ADAMTS3: variants seen among roughly 807,000 people sequenced by gnomAD.
ADAMTS3 encodes the protein A disintegrin and metalloproteinase with thrombospondin motifs 3.
In ADAMTS3, 73 loss-of-function variants were observed where a neutral mutation model predicts 129.0. The ratio of observed to expected loss-of-function variants is 0.57; its 90% CI spans 0.47 to 0.69. The LOEUF (loss-of-function observed/expected upper bound fraction) is 0.69. Ranked by LOEUF, ADAMTS3 falls within the 30% of genes least tolerant of loss-of-function variation. The pLI is 0.00. For synonymous variants in ADAMTS3, 477 were observed against 510.8 expected, an observed-to-expected ratio of 0.93 and a Z score of 0.89; for missense variants, 1,457 against 1,514.5, an observed-to-expected ratio of 0.96 and a Z score of 0.63.
chr4:72,477,647 C>A (rs1401734376), intron 3 of ADAMTS3, among the ~76,000 whole-genome samples: 3 of 151,946 alleles, frequency 2.0e-5, no homozygotes, highest in Non-Finnish European at 2.9e-5. Context: ...AAAGCAAGAG[C>A]AAACACATTC....
At chr4:72,505,727 G>A (rs1029185690) in intron 3 of ADAMTS3, among the ~76,000 whole-genome samples, 14 of 152,218 alleles carry the variant, frequency 9.2e-5, no homozygotes, top group Admixed American at 7.2e-4. Context: ...TTCCCTGCCT[G>A]GAGATGGCAG....
chr4:72,485,302 A>T lies in ADAMTS3; in HGVS notation c.504+63176T>A, dbSNP rs116263470. Among the ~76,000 whole-genome samples the T allele has an allele frequency of 4.9e-3, 742 of 152,282 alleles. 2 individuals are homozygous for T. Among genetic ancestry groups the T allele is most frequent in the African/African-American group, 0.017 (710 of 41,558 alleles). ...CTCTACAAAAATGTTAATCTTAGTG[A>T]TTCATTCACAAAGGGTTTAAGCTAA... On this transcript the variant is annotated intron_variant, in intron 3 of 21. Transcript: ENST00000286657.
chr4:72,384,636 T>C (rs1336939045), intron 4 of ADAMTS3, among the ~76,000 whole-genome samples: 1 of 152,136 alleles, frequency 6.6e-6, no homozygotes, highest in Non-Finnish European at 1.5e-5. Context: ...AAAATTATGA[T>C]GTAAAGCAGA....
At chr4:72,306,123 C>T (rs765325119) in intron 15 of ADAMTS3, 56 bp from the exon 16 acceptor site, 24 of 1,388,344 alleles carry the variant, frequency 1.7e-5, no homozygotes, top group Non-Finnish European at 2.1e-5. Context: ...AAGCAACAAC[C>T]ATGGTTAGTT....
chr4:72,559,335 T>C (rs1279624988), intron 2 of ADAMTS3, among the ~76,000 whole-genome samples: 1 of 151,804 alleles, frequency 6.6e-6, no homozygotes, highest in African/African-American at 2.4e-5. Flanking sequence ...CTGGTAAACA[T>C]AAAATATAGT....
intron 3 of ADAMTS3, among the ~76,000 whole-genome samples, chr4:72,512,755 G>T (rs773178438): frequency 6.6e-6 from 1 of 152,000 alleles, no homozygotes; most frequent in Non-Finnish European, 1.5e-5. Context: ...AAAATTAAAA[G>T]TATAAATAAA....
At chr4:72,433,295 C>T (rs1267722894) in intron 3 of ADAMTS3, among the ~76,000 whole-genome samples, 6 of 152,010 alleles carry the variant, frequency 3.9e-5, no homozygotes, top group Non-Finnish European at 8.8e-5. Flanking sequence ...GTCTAGTTTC[C>T]TTTGTTTTCA....
chr4:72,355,262 C>T (rs1022819786), intron 4 of ADAMTS3, among the ~76,000 whole-genome samples: 9 of 151,552 alleles, frequency 5.9e-5, no homozygotes, highest in African/African-American at 1.9e-4. Flanking sequence ...ACCAAGGGAC[C>T]AGCTCACATT....
In ADAMTS3 at chr4:72,298,272, G is replaced by T. The variant is rs763442216; in HGVS notation, c.2590+5C>A. ...TTTAATATAATAAATGTGTTCAATG[G>T]TTACCTCCACCACAGGGTTTGGAAC... On this transcript the variant is annotated splice_donor_5th_base_variant and intron_variant, in intron 18 of 21. Transcript: ENST00000286657. 1.9e-6 allele frequency: 3 copies of T among 1,610,512 alleles called. No individual in the cohort carries two copies. The highest frequency in any genetic ancestry group is 4.5e-5 in the East Asian group (2 of 44,772).
intron 4 of ADAMTS3, among the ~76,000 whole-genome samples, chr4:72,357,246 T>G (rs998336091): frequency 6.6e-6 from 1 of 151,950 alleles, no homozygotes; most frequent in Non-Finnish European, 1.5e-5. Context: ...TACCCTGTGA[T>G]AAAACAATTC....
Position 72,569,036 on chromosome 4 carries a change from G to T in ADAMTS3, c.-274C>A. On this transcript the variant is annotated 5_prime_UTR_variant, in exon 1 of 22. It adds an upstream start codon to the 5' untranslated region. Coordinates refer to ENST00000286657, the MANE Select transcript of ADAMTS3 (RefSeq NM_014243.3). Reference sequence around the variant, plus strand: ...CGAGAAGGTGCTGTAAGCGGGCACAGGCTAAGCCTGGGAGAGGGGGAAGGG... The same window carrying T: ...CGAGAAGGTGCTGTAAGCGGGCACATGCTAAGCCTGGGAGAGGGGGAAGGG... 1 of 516,070 alleles carries T rather than the reference G, an allele frequency of 1.9e-6. No individual in the cohort carries two copies. The highest frequency in any genetic ancestry group is 3.4e-6 in the Non-Finnish European group (1 of 290,582). 32.0% of individuals were successfully genotyped at this position (516,070 alleles called of 1,614,324 possible).
intron 4 of ADAMTS3, among the ~76,000 whole-genome samples, chr4:72,414,602 T>A (rs1722258374): frequency 6.6e-6 from 1 of 152,000 alleles, no homozygotes; most frequent in Non-Finnish European, 1.5e-5. Flanking sequence ...ATATCAGGGA[T>A]ATATAACACA....
At chr4:72,460,144 C>T (rs1211348347) in intron 3 of ADAMTS3, among the ~76,000 whole-genome samples, 10 of 151,478 alleles carry the variant, frequency 6.6e-5, no homozygotes, top group Non-Finnish European at 8.9e-5. Context: ...TCCCCGCCCC[C>T]ACTTTTTTTA....
At chr4:72,527,492 A>C (rs1192366372) in intron 3 of ADAMTS3, among the ~76,000 whole-genome samples, 2 of 152,194 alleles carry the variant, frequency 1.3e-5, no homozygotes, top group African/African-American at 4.8e-5. Flanking sequence ...TATCAGGTAC[A>C]CAGTAAGTGA....
intron 3 of ADAMTS3, among the ~76,000 whole-genome samples, chr4:72,425,074 C>T (rs575243353): frequency 6.6e-6 from 1 of 151,984 alleles, no homozygotes; most frequent in Non-Finnish European, 1.5e-5. Flanking sequence ...TGATGTGAAA[C>T]AAGAAAGCAT....
intron 4 of ADAMTS3, among the ~76,000 whole-genome samples, chr4:72,389,992 C>T (rs1388300201): frequency 3.9e-5 from 6 of 152,030 alleles, no homozygotes; most frequent in South Asian, 4.1e-4. Flanking sequence ...GAGACAGAAA[C>T]GAGTGGAGAA....
At chr4:72,315,230 G>A (rs1719360483) in intron 11 of ADAMTS3, among the ~76,000 whole-genome samples, 1 of 152,192 alleles carries the variant, frequency 6.6e-6, no homozygotes, top group Admixed American at 6.5e-5. Context: ...TGCCAACAGT[G>A]GGCTGAATGG....
At chr4:72,298,512 AT>A in intron 17 of ADAMTS3, 70 bp from the exon 18 acceptor site, 2 of 1,174,626 alleles carry the variant, frequency 1.7e-6, no homozygotes, top group Non-Finnish European at 2.4e-6. Flanking sequence ...AATTACAAAT[AT>A]TTCAGAATAT....
intron 5 of ADAMTS3, among the ~76,000 whole-genome samples, chr4:72,327,534 A>G (rs1405737879): frequency 1.3e-5 from 2 of 152,200 alleles, no homozygotes; most frequent in African/African-American, 4.8e-5. Context: ...AGCTCAACAT[A>G]TATTAGAGAG....
Sources: allele counts gnomAD v4.1 joint callset (sites outside exome capture counted in the v4.1 genomes callset), GRCh38; gene constraint gnomAD v4.1.1; transcripts MANE v1.5; gene names NCBI Gene and HGNC (gene_info 2026-07-23, HGNC 2026-07-21).